Variants in ITGA9 observed in about 807,000 individuals in gnomAD.
ITGA9 encodes the protein integrin subunit alpha 9, also known as integrin alpha-9.
In ITGA9, 56 loss-of-function variants were observed where a neutral mutation model predicts 127.8. The observed-to-expected ratio is 0.44, with a 90% CI of 0.35 to 0.55. ITGA9 has a LOEUF of 0.55. Among genes scored for constraint, ITGA9 ranks in the 20% least tolerant of loss-of-function variants. The pLI, the probability that ITGA9 is intolerant of heterozygous loss-of-function variation, is 0.00. For missense variants in ITGA9, 1,196 were observed against 1,347.1 expected (o/e 0.89, Z 1.76); for synonymous variants, 508 against 514.5 (o/e 0.99, Z 0.17).
At chr3:37,702,587 G>GA (rs1015978620) in intron 18 of ITGA9, among the ~76,000 whole-genome samples, 147 of 150,198 alleles carry the variant, frequency 9.8e-4, no homozygotes, top group African/African-American at 3.4e-3. Context: ...TCTCTAAAGG[G>GA]AAAAAAAAAT....
At chr3:37,548,522 G>T (rs555696886) in intron 15 of ITGA9, among the ~76,000 whole-genome samples, 1 of 152,236 alleles carries the variant, frequency 6.6e-6, no homozygotes, top group East Asian at 1.9e-4. Context: ...GGTGCATATA[G>T]AGCTTTCCTG....
intron 23 of ITGA9, among the ~76,000 whole-genome samples, chr3:37,763,534 T>C (rs1395121521): frequency 6.6e-6 from 1 of 152,200 alleles, no homozygotes; most frequent in Non-Finnish European, 1.5e-5. Flanking sequence ...TGGGGGAGTT[T>C]TCTGCCACAA....
intron 23 of ITGA9, among the ~76,000 whole-genome samples, chr3:37,776,276 C>T (rs1696906340): frequency 2.6e-5 from 4 of 152,076 alleles, no homozygotes; most frequent in Admixed American, 2.6e-4. Context: ...TACCAAAAAC[C>T]TCCATGACAC....
chr3:37,683,969 C>G lies in ITGA9; in HGVS notation c.2021C>G (p.Ser674Cys). Reference sequence around the variant, plus strand: ...GATGATGCCTATGATGCCAACGTGTCCTTCAATGTTTCCCGGGAGCTCTTC... The same window carrying G: ...GATGATGCCTATGATGCCAACGTGTGCTTCAATGTTTCCCGGGAGCTCTTC... ...LGDDAYDANV[S>C]FNVSRELFFI... The change falls in exon 18 of 28, where the codon TCC (serine) becomes TGC (cysteine). Residue 674 changes from serine to cysteine, a missense_variant. Transcript: ENST00000264741. The G allele has an allele frequency of 6.2e-7, 1 of 1,613,984 alleles. No individual in the cohort carries two copies. The highest frequency in any genetic ancestry group is 1.1e-5 in the South Asian group (1 of 91,066).
At chr3:37,566,056 T>C (rs575797473) in intron 15 of ITGA9, among the ~76,000 whole-genome samples, 70 of 152,346 alleles carry the variant, frequency 4.6e-4, no homozygotes, top group African/African-American at 1.5e-3. Flanking sequence ...TCTGTCTCTC[T>C]ATATCTATAA....
At chr3:37,531,095 G>A (rs2077072) in intron 13 of ITGA9, among the ~76,000 whole-genome samples, 64,363 of 151,744 alleles carry the variant, frequency 0.42, 14,480 homozygotes, top group East Asian at 0.72. Flanking sequence ...AGCGCTTGTG[G>A]TGCTGTCCTT....
intron 27 of ITGA9, chr3:37,807,474 C>T (rs1238987411): frequency 6.6e-6 from 1 of 152,274 alleles, no homozygotes; most frequent in East Asian, 1.9e-4. Flanking sequence ...AGGGCAGTCA[C>T]TGACCTGCAG....
intron 17 of ITGA9, among the ~76,000 whole-genome samples, chr3:37,676,000 C>T (rs1671825903): frequency 6.6e-6 from 1 of 152,086 alleles, no homozygotes; most frequent in Non-Finnish European, 1.5e-5. Context: ...CCTTGGCCTC[C>T]CAAAGTGCTG....
chr3:37,528,699 C>T (rs1336815591), intron 13 of ITGA9, among the ~76,000 whole-genome samples: 1 of 152,250 alleles, frequency 6.6e-6, no homozygotes, highest in South Asian at 2.1e-4. Context: ...AAGCTCCTAC[C>T]GCATGCCTGG....
chr3:37,731,075 A>G (rs560913728), intron 18 of ITGA9, among the ~76,000 whole-genome samples: 48 of 152,298 alleles, frequency 3.2e-4, no homozygotes, highest in Non-Finnish European at 6.3e-4. Flanking sequence ...GCTACCAAAC[A>G]TCATTATCCG....
chr3:37,526,102 G>A (rs763188661), intron 13 of ITGA9, 31 bp downstream of exon 13: 3 of 1,601,848 alleles, frequency 1.9e-6, no homozygotes, highest in Admixed American at 1.7e-5. Context: ...TCCTTGAATT[G>A]TGCTGTTCAG....
At chr3:37,779,354 C>G (rs1200009200) in intron 24 of ITGA9, among the ~76,000 whole-genome samples, 1 of 152,310 alleles carries the variant, frequency 6.6e-6, no homozygotes, top group Non-Finnish European at 1.5e-5. Context: ...ACCCCCCTAC[C>G]TCAGCCTCCC....
At chr3:37,646,582 A>G (rs1192728062) in intron 16 of ITGA9, among the ~76,000 whole-genome samples, 1 of 152,232 alleles carries the variant, frequency 6.6e-6, no homozygotes, top group African/African-American at 2.4e-5. Flanking sequence ...CTAGGGAGGA[A>G]TAAGAGATGA....
At chr3:37,618,349 G>T (rs895142226) in intron 15 of ITGA9, among the ~76,000 whole-genome samples, 2 of 152,226 alleles carry the variant, frequency 1.3e-5, no homozygotes, top group South Asian at 4.1e-4. Flanking sequence ...GTACCTGGCC[G>T]TGTGAGGTGT....
At chr3:37,553,432 T>C (rs1469266282) in intron 15 of ITGA9, among the ~76,000 whole-genome samples, 2 of 152,248 alleles carry the variant, frequency 1.3e-5, no homozygotes, top group African/African-American at 4.8e-5. Context: ...CTCCTTCATG[T>C]CCTTGACATT....
intron 20 of ITGA9, among the ~76,000 whole-genome samples, chr3:37,738,241 T>C (rs889065627): frequency 6.6e-6 from 1 of 152,238 alleles, no homozygotes; most frequent in Non-Finnish European, 1.5e-5. Context: ...TTCATTCCCA[T>C]TGCACAAAAT....
chr3:37,815,951 T>C (rs1195521713), intron 27 of ITGA9, among the ~76,000 whole-genome samples: 1 of 152,082 alleles, frequency 6.6e-6, no homozygotes, highest in Non-Finnish European at 1.5e-5. Context: ...AGGTTAGACA[T>C]AGGCATTTGT....
At chr3:37,689,008 G>A (rs1700806075) in intron 18 of ITGA9, among the ~76,000 whole-genome samples, 1 of 150,696 alleles carries the variant, frequency 6.6e-6, no homozygotes, top group Non-Finnish European at 1.5e-5. Flanking sequence ...GTGTGTGAGT[G>A]GATGGCTGGC....
chr3:37,508,890 C>T (rs781185913), intron 8 of ITGA9, among the ~76,000 whole-genome samples: 5 of 152,148 alleles, frequency 3.3e-5, no homozygotes, highest in South Asian at 2.1e-4. Flanking sequence ...AGAGATTGTC[C>T]GTAGTTCAGA....
Sources: allele counts gnomAD v4.1 joint callset (sites outside exome capture counted in the v4.1 genomes callset), GRCh38; gene constraint gnomAD v4.1.1; transcripts MANE v1.5; gene names NCBI Gene and HGNC (gene_info 2026-07-23, HGNC 2026-07-21).